The following FAM124A variants were observed in gnomAD, a reference collection of about 807,000 sequenced individuals.
FAM124A encodes the protein protein FAM124A.
Under a neutral mutation model 24.5 loss-of-function variants are expected in FAM124A, and 23 were observed. The ratio of observed to expected loss-of-function variants is 0.94; its 90% CI spans 0.68 to 1.33. The LOEUF (loss-of-function observed/expected upper bound fraction) is 1.33, where lower values mean the gene tolerates loss of function less well. Among genes scored for constraint, FAM124A ranks in the 40% most tolerant of loss-of-function variants. The probability of loss-of-function intolerance (pLI) is 0.00; values close to 1 mark genes in which losing one functional copy is unlikely to be tolerated. For synonymous variants in FAM124A, 287 were observed against 314.7 expected (o/e 0.91, Z 0.93); for missense variants, 623 against 722.8 (o/e 0.86, Z 1.58).
intron 2 of FAM124A, among the ~76,000 whole-genome samples, chr13:51,234,748 C>T (rs1485731868): frequency 6.6e-6 from 1 of 152,192 alleles, no homozygotes; most frequent in African/African-American, 2.4e-5. Flanking sequence ...GCATAAAAAT[C>T]TGGAAGCCTG....
At position 51,251,320 on chromosome 13, in the gene FAM124A, T is replaced by C; in HGVS notation, c.101-148T>C. On this transcript the variant is annotated intron_variant, in intron 2 of 3. Coordinates refer to ENST00000322475, the MANE Select transcript of FAM124A (RefSeq NM_001242312.2). This position sits in a 1 kb window ranked among gnomAD's most constrained non-coding sequence, Gnocchi z 5.3. ...GGCATAGTAGTTTTTATAGGTAAAC[T>C]TGGGATCAGAAAATCACAGGTCATG... 2 of 1,106,922 alleles carry C rather than the reference T, an allele frequency of 1.8e-6. No individual in the cohort carries two copies. The allele number at this position is 1,106,922 out of a possible 1,614,324, so 68.6% of individuals were successfully genotyped here. A position where few individuals can be genotyped will look rare whatever the true frequency, so the allele number is the denominator to read the frequency against.
chr13:51,241,871 T>C (rs1954499591), intron 2 of FAM124A, among the ~76,000 whole-genome samples: 1 of 152,226 alleles, frequency 6.6e-6, no homozygotes. Context: ...TAAGCACATA[T>C]GCAGTGGCTT....
At position 51,281,017 on chromosome 13, in the gene FAM124A, G is replaced by A. The variant is rs1226360516; in HGVS notation, c.1402G>A (p.Val468Ile). ...TTCCAGGGAGGGACCACTGCCCACT[G>A]TCAGCAGGGTGACCACAGAGGCCTC... ...KDSREGPLPT[V>I]SRVTTEASWA... Residue 468 changes from valine to isoleucine, a missense_variant, in exon 4 of 4, where the codon GTC becomes ATC. Coordinates refer to ENST00000322475, the MANE Select transcript of FAM124A (RefSeq NM_001242312.2). 5 of 1,614,136 alleles carry A rather than the reference G, an allele frequency of 3.1e-6. No homozygotes were observed. Among genetic ancestry groups the A allele is most frequent in the Middle Eastern group, 1.6e-4 (1 of 6,062 alleles).
chr13:51,227,004 T>C (rs1593583126), intron 1 of FAM124A, among the ~76,000 whole-genome samples: 1 of 152,216 alleles, frequency 6.6e-6, no homozygotes, highest in South Asian at 2.1e-4. Context: ...GGCTGTTCAG[T>C]GTCTAGAACC....
chr13:51,281,237 T>G lies in FAM124A; in HGVS notation c.1622T>G (p.Met541Arg), dbSNP rs1298607660. Residue 541 changes from methionine (M) to arginine (R), a missense_variant, in exon 4 of 4, where the codon ATG (methionine) becomes AGG (arginine). By Grantham distance (91) the Met-to-Arg change is moderately conservative (BLOSUM62 -1). Transcript: ENST00000322475. Reference sequence around the variant, plus strand: ...TCGGCTGGCCCCGGGGATAACGACATGGAGGAATTCTACATCTGAATGCCC... The same window carrying G: ...TCGGCTGGCCCCGGGGATAACGACAGGGAGGAATTCTACATCTGAATGCCC... The part of the protein sequence containing the change: ...PGSAGPGDND[M>R]EEFYI 1 of 1,577,898 alleles carries G rather than the reference T, an allele frequency of 6.3e-7. No individual in the cohort carries two copies. The highest frequency in any genetic ancestry group is 8.6e-7 in the Non-Finnish European group (1 of 1,164,944).
At chr13:51,253,900 A>G (rs757889992) in intron 3 of FAM124A, among the ~76,000 whole-genome samples, 1 of 152,168 alleles carries the variant, frequency 6.6e-6, no homozygotes, top group Non-Finnish European at 1.5e-5. Flanking sequence ...AAATAGTAAT[A>G]TGTTGAGGAA....
intron 2 of FAM124A, among the ~76,000 whole-genome samples, chr13:51,247,123 AGCTGTTG>A (rs1330040439): frequency 1.3e-5 from 2 of 152,160 alleles, no homozygotes; most frequent in African/African-American, 4.8e-5. Flanking sequence ...CAAGAAATGA[AGCTGTTG>A]GCTGGTGGCT....
rs1376937728 is a variant in FAM124A at position 51,282,552 on chromosome 13, C to G, written c.*1296C>G. On this transcript the variant is annotated 3_prime_UTR_variant, in exon 4 of 4. Transcript: ENST00000322475. ...GCATCGGGGGCAGTGCCAAGCTGTC[C>G]CTGGATACTATTTACCTTTGAGGAA... is the stretch of plus-strand genomic sequence containing the variant. 1 of 152,232 alleles carries G rather than the reference C, an allele frequency of 6.6e-6. No homozygotes were observed. Among genetic ancestry groups the G allele is most frequent in the Non-Finnish European group, 1.5e-5 (1 of 68,064 alleles). The allele number at this position is 152,232 out of a possible 1,614,324, so 9.4% of individuals were successfully genotyped here.
chr13:51,250,728 A>G (rs1021238563), intron 2 of FAM124A, among the ~76,000 whole-genome samples: 4 of 152,162 alleles, frequency 2.6e-5, no homozygotes, highest in Admixed American at 6.5e-5. Flanking sequence ...CAGCCCCAGT[A>G]AGCTCCAACA....
At position 51,251,648 on chromosome 13, in the gene FAM124A, C is replaced by G. The variant is rs1314788357; in HGVS notation, c.281C>G (p.Pro94Arg). ...RRASRRRRKP[P>R]KGAQPALAVV... ...GCGTCCCGGCGGCGGCGGAAGCCCC[C>G]CAAGGGCGCTCAGCCAGCGCTGGCT... Residue 94 changes from proline to arginine, a missense_variant, in exon 3 of 4, where the codon CCC (proline) becomes CGC (arginine). By Grantham distance (103) the Pro-to-Arg change is moderately radical. Transcript: ENST00000322475. The surrounding 1 kb of genome is among the most constrained non-coding windows in gnomAD (Gnocchi z 5.3). The G allele has an allele frequency of 1.9e-6, 3 of 1,580,840 alleles. No individual in the cohort carries two copies. The East Asian group carries it at 6.9e-5, about 36-fold the overall frequency.
chr13:51,248,117 A>G (rs1419748665), intron 2 of FAM124A, among the ~76,000 whole-genome samples: 1 of 152,206 alleles, frequency 6.6e-6, no homozygotes, highest in Non-Finnish European at 1.5e-5. Context: ...CCTAAGCAAC[A>G]CAAAGATCCA....
intron 1 of FAM124A, among the ~76,000 whole-genome samples, chr13:51,226,528 A>G (rs551892165): frequency 7.2e-5 from 11 of 152,134 alleles, no homozygotes; most frequent in Non-Finnish European, 1.3e-4. Flanking sequence ...GCAATTACGT[A>G]TTTAAATAAA....
intron 3 of FAM124A, among the ~76,000 whole-genome samples, chr13:51,271,604 G>GTT: frequency 6.6e-6 from 1 of 151,478 alleles, no homozygotes; most frequent in Non-Finnish European, 1.5e-5. Context: ...CTCTGGAATG[G>GTT]TTTTTTTTTA....
rs549242325 is a variant in FAM124A, at chr13:51,255,652, G to A, written c.834+3451G>A. ...CCCAGCATCTCACATGCTCAGTGGT[G>A]TCAACAGCCTGTGCTCAGCCGCACC... On this transcript the variant is annotated intron_variant, in intron 3 of 3. Coordinates refer to ENST00000322475, the MANE Select transcript of FAM124A (RefSeq NM_001242312.2). Among the ~76,000 whole-genome samples, 3 of 152,336 alleles carry A rather than the reference G, an allele frequency of 2.0e-5. No homozygotes were observed. In the South Asian group the frequency reaches 6.2e-4, roughly 32 times the overall value.
At position 51,251,962 on chromosome 13, in the gene FAM124A, A is replaced by G; in HGVS notation, c.595A>G (p.Ser199Gly). 6.2e-7 allele frequency: 1 copy of G among 1,614,256 alleles called. No homozygotes were observed. The highest frequency in any genetic ancestry group is 1.1e-5 in the South Asian group (1 of 91,090). ...FYQLILRRSP[S>G]QKKADFCIFP... ...CCAGCTGATTCTCCGGAGGAGCCCCAGCCAGAAGAAAGCGGACTTCTGCAT... is the reference window on the plus strand; with the variant it reads ...CCAGCTGATTCTCCGGAGGAGCCCCGGCCAGAAGAAAGCGGACTTCTGCAT... Residue 199 changes from serine to glycine, a missense_variant, in exon 3 of 4, where the codon AGC becomes GGC. Transcript: ENST00000322475. This position sits in a 1 kb window ranked among gnomAD's most constrained non-coding sequence, Gnocchi z 5.3.
chr13:51,281,260 C>T lies in FAM124A; in HGVS notation c.*4C>T, dbSNP rs1161123709. On this transcript the variant is annotated 3_prime_UTR_variant, in exon 4 of 4. Transcript: ENST00000322475. ...CATGGAGGAATTCTACATCTGAATGCCCTCTGCTCTTGTTCTCGAAACACA... is the reference window on the plus strand; with the variant it reads ...CATGGAGGAATTCTACATCTGAATGTCCTCTGCTCTTGTTCTCGAAACACA... The T allele has an allele frequency of 8.4e-6, 13 of 1,546,646 alleles. No homozygotes were observed. Among genetic ancestry groups the T allele is most frequent in the Non-Finnish European group, 1.1e-5 (13 of 1,151,328 alleles).
Position 51,252,168 on chromosome 13 carries a change from G to A in FAM124A, c.801G>A (p.Thr267=), listed in dbSNP as rs1329857691. ...CSPISEGRWQ[T]EDHDGNKILL... ...CCATCAGCGAGGGGCGCTGGCAGACGGAGGACCATGATGGGAACAAGATCC... is the reference window on the plus strand; with the variant it reads ...CCATCAGCGAGGGGCGCTGGCAGACAGAGGACCATGATGGGAACAAGATCC... Residue 267 remains threonine, a synonymous_variant, in exon 3 of 4, where the codon ACG becomes ACA. Coordinates refer to ENST00000322475, the MANE Select transcript of FAM124A (RefSeq NM_001242312.2). 1 of 1,613,612 alleles carries A rather than the reference G, an allele frequency of 6.2e-7. No homozygotes were observed. Among genetic ancestry groups the A allele is most frequent in the Non-Finnish European group, 8.5e-7 (1 of 1,180,022 alleles).
rs955933875 is a variant in FAM124A, at chr13:51,283,045, AT to A, written c.*1799del. On this transcript the variant is annotated 3_prime_UTR_variant, in exon 4 of 4. Coordinates refer to ENST00000322475, the MANE Select transcript of FAM124A (RefSeq NM_001242312.2). The stretch of plus-strand genomic sequence containing the variant: ...AATGGCTGAGTTCCAATAAAGCTTT[AT>A]TTTTTTTTTATTTGAGACGGGGTCT... 13 of 148,938 alleles carry A rather than the reference AT, an allele frequency of 8.7e-5. No individual in the cohort carries two copies. Among genetic ancestry groups the A allele is most frequent in the East Asian group, 3.9e-4 (2 of 5,080 alleles). The allele number at this position is 148,938 out of a possible 1,614,324, so 9.2% of individuals were successfully genotyped here.
chr13:51,241,243 G>A (rs754227265), intron 2 of FAM124A, among the ~76,000 whole-genome samples: 8 of 152,206 alleles, frequency 5.3e-5, no homozygotes, highest in Non-Finnish European at 8.8e-5. Flanking sequence ...GCCCCAAGGC[G>A]ATTAAGAAAA....
Sources: allele counts gnomAD v4.1 joint callset (sites outside exome capture counted in the v4.1 genomes callset), GRCh38; gene constraint gnomAD v4.1.1; non-coding constraint Gnocchi (gnomAD v3.1); transcripts MANE v1.5; gene names NCBI Gene and HGNC (gene_info 2026-07-23, HGNC 2026-07-21).